Variants in GMDS observed in about 807,000 individuals in gnomAD.
GMDS encodes GDP-mannose 4,6 dehydratase.
A neutral mutation model predicts 49.9 loss-of-function variants in GMDS; 20 were observed. The observed-to-expected ratio is 0.40, with a 90% CI of 0.28 to 0.58. The LOEUF (loss-of-function observed/expected upper bound fraction) is 0.58. Ranked by LOEUF, GMDS falls within the 20% of genes least tolerant of loss-of-function variation. The probability of loss-of-function intolerance (pLI) is 0.42; values close to 1 mark genes in which losing one functional copy is unlikely to be tolerated. For synonymous variants in GMDS, 177 were observed against 178.6 expected, an observed-to-expected ratio of 0.99 and a Z score of 0.07; for missense variants, 362 against 481.4, an observed-to-expected ratio of 0.75 and a Z score of 2.32.
At chr6:2,072,879 A>C (rs531632165) in intron 4 of GMDS, among the ~76,000 whole-genome samples, 1 of 152,172 alleles carries the variant, frequency 6.6e-6, no homozygotes, top group Non-Finnish European at 1.5e-5. Context: ...GTAAAATCAC[A>C]AACACATTTG....
At chr6:1,705,282 T>C (rs1263840910) in intron 9 of GMDS, among the ~76,000 whole-genome samples, 1 of 152,204 alleles carries the variant, frequency 6.6e-6, no homozygotes, top group Non-Finnish European at 1.5e-5. Flanking sequence ...GTTGAGATGT[T>C]TTGGCTCGTA....
At chr6:1,801,168 C>T (rs1012272145) in intron 7 of GMDS, among the ~76,000 whole-genome samples, 2 of 152,136 alleles carry the variant, frequency 1.3e-5, no homozygotes, top group East Asian at 1.9e-4. Context: ...AGACCTGCAC[C>T]GAAATTACCT....
chr6:1,876,115 G>C (rs189228705), intron 7 of GMDS, among the ~76,000 whole-genome samples: 1 of 151,962 alleles, frequency 6.6e-6, no homozygotes, highest in East Asian at 1.9e-4. Flanking sequence ...AAAATTGGCT[G>C]GGTGTGGTGG....
At chr6:1,838,253 G>A (rs1270325625) in intron 7 of GMDS, among the ~76,000 whole-genome samples, 1 of 152,202 alleles carries the variant, frequency 6.6e-6, no homozygotes, top group East Asian at 1.9e-4. Context: ...TTACAACTAA[G>A]TGAATACAGA....
intron 4 of GMDS, among the ~76,000 whole-genome samples, chr6:2,111,674 T>C (rs751401775): frequency 2.0e-5 from 3 of 152,114 alleles, no homozygotes; most frequent in Admixed American, 1.3e-4. Flanking sequence ...GGTGCAAAAT[T>C]AAATGCAAAT....
chr6:1,741,044 T>G (rs184933764), intron 8 of GMDS, among the ~76,000 whole-genome samples: 9 of 152,322 alleles, frequency 5.9e-5, no homozygotes, highest in African/African-American at 2.2e-4. Context: ...TTTTTGTTTT[T>G]AAAATTTTAA....
At chr6:1,908,873 C>T (rs1412996661) in intron 7 of GMDS, among the ~76,000 whole-genome samples, 4 of 152,178 alleles carry the variant, frequency 2.6e-5, no homozygotes, top group Non-Finnish European at 5.9e-5. Context: ...CCCAGGTCTG[C>T]ACCTGACTCA....
At chr6:2,106,699 C>T (rs1230246888) in intron 4 of GMDS, among the ~76,000 whole-genome samples, 2 of 151,958 alleles carry the variant, frequency 1.3e-5, no homozygotes, top group Non-Finnish European at 1.5e-5. Context: ...CCTGTCTCTA[C>T]TAAAAATACA....
At chr6:2,214,938 C>T (rs767460123) in intron 1 of GMDS, among the ~76,000 whole-genome samples, 5 of 152,176 alleles carry the variant, frequency 3.3e-5, no homozygotes, top group Admixed American at 6.5e-5. Flanking sequence ...TCAATGGTTG[C>T]TGATATTACA....
chr6:1,829,103 A>G (rs1771246589), intron 7 of GMDS, among the ~76,000 whole-genome samples: 1 of 152,186 alleles, frequency 6.6e-6, no homozygotes, highest in South Asian at 2.1e-4. Context: ...AAAGGTCTTC[A>G]TCCTTGTCTT....
chr6:2,129,020 C>T (rs914954592), intron 1 of GMDS, among the ~76,000 whole-genome samples: 1 of 152,206 alleles, frequency 6.6e-6, no homozygotes, highest in Admixed American at 6.5e-5. Context: ...GTGTTCCTGA[C>T]GCCTATCCTG....
intron 4 of GMDS, among the ~76,000 whole-genome samples, chr6:2,011,517 T>C (rs1767556844): frequency 6.6e-6 from 1 of 152,200 alleles, no homozygotes; most frequent in Non-Finnish European, 1.5e-5. Flanking sequence ...CACGGAACTA[T>C]TCACAATAGT....
At chr6:1,839,342 C>T (rs1757056853) in intron 7 of GMDS, among the ~76,000 whole-genome samples, 2 of 152,084 alleles carry the variant, frequency 1.3e-5, no homozygotes, top group Admixed American at 6.6e-5. Flanking sequence ...ATCATCCTCC[C>T]GATTAGTACT....
chr6:1,714,990 G>A (rs1231881728), intron 9 of GMDS, among the ~76,000 whole-genome samples: 1 of 152,206 alleles, frequency 6.6e-6, no homozygotes, highest in African/African-American at 2.4e-5. Flanking sequence ...AGACAGTTGG[G>A]ATAGATCAAC....
chr6:2,240,868 G>A (rs1781585328), intron 1 of GMDS, among the ~76,000 whole-genome samples: 1 of 152,200 alleles, frequency 6.6e-6, no homozygotes, highest in Non-Finnish European at 1.5e-5. Flanking sequence ...AGAATTGGTA[G>A]AGAAAAGGGA....
At chr6:1,683,471 T>C (rs1446459985) in intron 9 of GMDS, among the ~76,000 whole-genome samples, 10 of 152,158 alleles carry the variant, frequency 6.6e-5, no homozygotes, top group African/African-American at 2.4e-4. Flanking sequence ...TCAAGCCCTG[T>C]CATAATGGAG....
At chr6:2,207,771 A>G (rs1779869166) in intron 1 of GMDS, among the ~76,000 whole-genome samples, 1 of 151,904 alleles carries the variant, frequency 6.6e-6, no homozygotes, top group African/African-American at 2.4e-5. Flanking sequence ...TGGAAATTAC[A>G]GTCCTGCCCA....
chr6:1,734,986 G>A (rs1055738982), intron 8 of GMDS, among the ~76,000 whole-genome samples: 3 of 152,228 alleles, frequency 2.0e-5, no homozygotes, highest in Non-Finnish European at 4.4e-5. Context: ...ACGCTACCTC[G>A]CACAGCTCAT....
At chr6:1,763,266 T>A (rs1768227712) in intron 7 of GMDS, among the ~76,000 whole-genome samples, 2 of 152,232 alleles carry the variant, frequency 1.3e-5, no homozygotes, top group Non-Finnish European at 2.9e-5. Context: ...TGTCTTCTAA[T>A]GTGCATCTTC....
Sources: gnomAD v4.1 joint callset for allele counts (sites outside exome capture counted in the v4.1 genomes callset) on GRCh38, gnomAD v4.1.1 for gene constraint, MANE v1.5 for transcripts, NCBI Gene and HGNC (gene_info 2026-07-23, HGNC 2026-07-21) for gene names.